The following ADCY9 variants were observed in gnomAD, a reference collection of about 807,000 sequenced individuals.
ADCY9 encodes adenylate cyclase type 9.
A neutral mutation model predicts 101.5 loss-of-function variants in ADCY9; 50 were observed. The observed-to-expected ratio is 0.49, with a 90% CI of 0.39 to 0.62. The LOEUF (loss-of-function observed/expected upper bound fraction) is 0.62. Ranked by LOEUF, ADCY9 falls within the 20% of genes least tolerant of loss-of-function variation. The pLI, the probability that ADCY9 is intolerant of heterozygous loss-of-function variation, is 0.00. For missense variants in ADCY9, 1,662 were observed against 1,800.4 expected, an observed-to-expected ratio of 0.92 and a Z score of 1.39; for synonymous variants, 905 against 769.3, an observed-to-expected ratio of 1.18 and a Z score of -2.92.
At chr16:4,049,216 G>A (rs2056685286) in intron 2 of ADCY9, among the ~76,000 whole-genome samples, 1 of 152,162 alleles carries the variant, frequency 6.6e-6, no homozygotes, top group African/African-American at 2.4e-5. Context: ...CGCACAGCGT[G>A]GGCATCCTCT....
intron 3 of ADCY9, among the ~76,000 whole-genome samples, chr16:4,000,381 C>G (rs556873841): frequency 6.6e-6 from 1 of 152,272 alleles, no homozygotes; most frequent in Admixed American, 6.5e-5. Context: ...TCCAGGTGAA[C>G]GGGGCAGCCT....
intron 3 of ADCY9, among the ~76,000 whole-genome samples, chr16:4,003,646 C>A (rs186659248): frequency 1.3e-5 from 2 of 150,902 alleles, no homozygotes; most frequent in Non-Finnish European, 3.0e-5. Flanking sequence ...CTCACTGCAG[C>A]CTCTAACTCC....
At position 4,057,638 on chromosome 16, in the gene ADCY9, C is replaced by T. The variant is rs867466728; in HGVS notation, c.1694-50080G>A. Among the ~76,000 whole-genome samples, 5 of 152,334 alleles carry T rather than the reference C, an allele frequency of 3.3e-5. No homozygotes were observed. In the Middle Eastern group the frequency reaches 0.01, roughly 311 times the overall value. On this transcript the variant is annotated intron_variant, in intron 2 of 10. Coordinates refer to ENST00000294016, the MANE Select transcript of ADCY9 (RefSeq NM_001116.4). ...ACGAATACCAAAGCTTCTGTGAGCA[C>T]GCCAGAGGGCCCCCACAAAGCTCTC...
rs1401077456 is a variant in ADCY9, at chr16:4,115,123, C to A, written c.320G>T (p.Arg107Leu). The A allele has an allele frequency of 1.2e-6, 2 of 1,613,708 alleles. No individual in the cohort carries two copies. The highest frequency in any genetic ancestry group is 4.5e-5 in the East Asian group (2 of 44,884). ...CCGGCGCTGGGTCTGCGGGAAGCAGCGCTCCAGGCAGGCCTCCTCCAGGTT... is the reference window on the plus strand; with the variant it reads ...CCGGCGCTGGGTCTGCGGGAAGCAGAGCTCCAGGCAGGCCTCCTCCAGGTT... ...SVNLEEACLERCFPQTQRRFR... is the reference protein window; with the variant it reads ...SVNLEEACLELCFPQTQRRFR... Residue 107 changes from arginine (R) to leucine (L), a missense_variant, in exon 2 of 11, where the codon CGC becomes CTC. Coordinates refer to ENST00000294016, the MANE Select transcript of ADCY9 (RefSeq NM_001116.4). The surrounding 1 kb of genome is among the most constrained non-coding windows in gnomAD (Gnocchi z 6.2).
chr16:4,105,160 A>T (rs1475762049), intron 2 of ADCY9, among the ~76,000 whole-genome samples: 1 of 152,116 alleles, frequency 6.6e-6, no homozygotes, highest in East Asian at 1.9e-4. Context: ...TTCTCATCAA[A>T]TTTTTTCATT....
intron 2 of ADCY9, among the ~76,000 whole-genome samples, chr16:4,041,254 G>A (rs758666176): frequency 1.3e-5 from 2 of 152,182 alleles, no homozygotes; most frequent in South Asian, 4.1e-4. Flanking sequence ...TGTAATCCCA[G>A]CACTGTGGGA....
intron 2 of ADCY9, among the ~76,000 whole-genome samples, chr16:4,063,378 T>C (rs1174851669): frequency 6.6e-6 from 1 of 151,558 alleles, no homozygotes. Flanking sequence ...GTTAAAAGCC[T>C]GTATCAGGAA....
At chr16:4,105,354 G>A (rs557153425) in intron 2 of ADCY9, among the ~76,000 whole-genome samples, 1 of 152,090 alleles carries the variant, frequency 6.6e-6, no homozygotes, top group African/African-American at 2.4e-5. Flanking sequence ...GGGAAACATA[G>A]GGAGACGTCA....
intron 2 of ADCY9, among the ~76,000 whole-genome samples, chr16:4,035,450 A>G (rs1291655825): frequency 1.3e-5 from 2 of 152,198 alleles, no homozygotes; most frequent in Non-Finnish European, 2.9e-5. Flanking sequence ...TGTAATTGCC[A>G]TACAGAGTGA....
intron 2 of ADCY9, among the ~76,000 whole-genome samples, chr16:4,030,651 C>T (rs1412056794): frequency 6.6e-6 from 1 of 151,424 alleles, no homozygotes; most frequent in Non-Finnish European, 1.5e-5. Flanking sequence ...TGCAGTGAGT[C>T]GAGGTCATGG....
At chr16:4,037,938 C>T (rs1369570444) in intron 2 of ADCY9, among the ~76,000 whole-genome samples, 1 of 152,104 alleles carries the variant, frequency 6.6e-6, no homozygotes, top group Non-Finnish European at 1.5e-5. Flanking sequence ...TAAATGTCCC[C>T]CAAAATTGAC....
intron 2 of ADCY9, among the ~76,000 whole-genome samples, chr16:4,013,525 C>T (rs191015366): frequency 6.6e-6 from 1 of 152,164 alleles, no homozygotes; most frequent in African/African-American, 2.4e-5. Context: ...TGGGAGCCAG[C>T]CACATAGCAT....
intron 2 of ADCY9, 81 bp downstream of exon 2, chr16:4,113,669 C>T (rs898123404): frequency 6.6e-7 from 1 of 1,515,426 alleles, no homozygotes; most frequent in African/African-American, 1.4e-5. Context: ...TCTGCAGACA[C>T]TGAGGCTGGA....
chr16:4,009,522 G>A (rs1350474332), intron 2 of ADCY9, among the ~76,000 whole-genome samples: 1 of 152,156 alleles, frequency 6.6e-6, no homozygotes, highest in Non-Finnish European at 1.5e-5. Flanking sequence ...CTCCCAAAGT[G>A]CTGGGATTGC....
chr16:3,975,196 GCA>G (rs1319734939), intron 9 of ADCY9, among the ~76,000 whole-genome samples: 2 of 152,170 alleles, frequency 1.3e-5, no homozygotes, highest in African/African-American at 4.8e-5. Context: ...AAGGTAAAAA[GCA>G]GTTTGCTGGA....
intron 10 of ADCY9, among the ~76,000 whole-genome samples, chr16:3,972,712 T>C (rs903796118): frequency 6.6e-6 from 1 of 152,108 alleles, no homozygotes; most frequent in African/African-American, 2.4e-5. Flanking sequence ...GGTTGACACT[T>C]TGGTATATTT....
At chr16:3,958,291 C>A (rs530778573), downstream of ADCY9, among the ~76,000 whole-genome samples, 1 of 152,208 alleles carries the variant, frequency 6.6e-6, no homozygotes, top group East Asian at 1.9e-4. Context: ...CCTGTAACCC[C>A]AGCACTCTGG....
In ADCY9 at chr16:3,992,471, G is replaced by C; in HGVS notation, c.1990-108C>G. 3 of 1,004,008 alleles carry C rather than the reference G, an allele frequency of 3.0e-6. No individual in the cohort carries two copies. Among genetic ancestry groups the C allele is most frequent in the East Asian group, 5.1e-5 (2 of 38,842 alleles). 62.2% of individuals were successfully genotyped at this position (1,004,008 alleles called of 1,614,324 possible). ...TCCGCTGCGGGGCGCTGCTGCACTG[G>C]GCGTGGGACTTTCTGACCTGCGAGG... On this transcript the variant is annotated intron_variant, in intron 4 of 10. Coordinates refer to ENST00000294016, the MANE Select transcript of ADCY9 (RefSeq NM_001116.4). The surrounding 1 kb of genome is among the most constrained non-coding windows in gnomAD (Gnocchi z 4.2).
rs1467311494 is a variant in ADCY9, at chr16:3,966,906, G to A, written c.2931C>T (p.Leu977=). The A allele has an allele frequency of 1.2e-6, 2 of 1,613,934 alleles. No homozygotes were observed. The highest frequency in any genetic ancestry group is 1.3e-5 in the African/African-American group (1 of 74,950). Residue 977 remains leucine, a synonymous_variant, in exon 11 of 11, where the codon CTC becomes CTT. Transcript: ENST00000294016. ...AGACGAGAACCACCTCCTGGCCGAT[G>A]AGGCTGGCGGGCCGCCGGAGGTCAC... ...VPRDLRRPAS[L]IGQEVVLVFF...
Sources: allele counts gnomAD v4.1 joint callset (sites outside exome capture counted in the v4.1 genomes callset), GRCh38; gene constraint gnomAD v4.1.1; non-coding constraint Gnocchi (gnomAD v3.1); transcripts MANE v1.5; gene names NCBI Gene and HGNC (gene_info 2026-07-23, HGNC 2026-07-21).